The following MYO7B variants were observed in gnomAD, a reference collection of about 807,000 sequenced individuals.
MYO7B encodes unconventional myosin-VIIb.
Under a neutral mutation model 259.7 loss-of-function variants are expected in MYO7B, and 212 were observed. That is an observed-to-expected ratio of 0.82 (90% confidence interval 0.73 to 0.91). The LOEUF is 0.91. Among genes scored for constraint, MYO7B ranks in the 40% least tolerant of loss-of-function variants. MYO7B has a pLI of 0.00. For synonymous variants in MYO7B, 1,197 were observed against 1,166.4 expected (o/e 1.03, Z -0.54); for missense variants, 2,732 against 2,813.5 (o/e 0.97, Z 0.66).
rs952896987 is a variant in MYO7B at position 127,585,406 on chromosome 2, T to C, written c.1690+493T>C. On this transcript the variant is annotated intron_variant, in intron 14 of 47. Coordinates refer to ENST00000409816, the MANE Select transcript of MYO7B (RefSeq NM_001393586.1). The surrounding 1 kb of genome is among the most constrained non-coding windows in gnomAD (Gnocchi z 4.3). The stretch of plus-strand genomic sequence containing the variant: ...TTTTCAAGGTTCATCTATGTTGTAG[T>C]ACGTGTCAGTGCTCCATGTCTTTTT... Among the ~76,000 whole-genome samples the C allele has an allele frequency of 1.3e-5, 2 of 152,230 alleles. No homozygotes were observed. The highest frequency in any genetic ancestry group is 2.1e-4 in the South Asian group (1 of 4,832).
intron 19 of MYO7B, among the ~76,000 whole-genome samples, chr2:127,604,048 G>A (rs192216561): frequency 0.017 from 2,549 of 152,242 alleles, 77 homozygotes; most frequent in African/African-American, 0.058. Context: ...CAGGAGAATC[G>A]CTTGAACCTG....
In MYO7B at chr2:127,565,403, T is replaced by G. The variant is rs777008715; in HGVS notation, c.285+18T>G. The G allele has an allele frequency of 1.2e-6, 2 of 1,613,080 alleles. No homozygotes were observed. Among genetic ancestry groups the G allele is most frequent in the South Asian group, 2.2e-5 (2 of 91,020 alleles). Reference sequence around the variant, plus strand: ...AGATCTATGTGAGTCTCCCCAGCCCTGTGTCCACAGGGGAGCCCCTCACAG... The same window carrying G: ...AGATCTATGTGAGTCTCCCCAGCCCGGTGTCCACAGGGGAGCCCCTCACAG... On this transcript the variant is annotated intron_variant, in intron 4 of 47. Coordinates refer to ENST00000409816, the MANE Select transcript of MYO7B (RefSeq NM_001393586.1).
rs959014271 is a variant in MYO7B at position 127,597,214 on chromosome 2, G to A, written c.2339+658G>A. ...GCTGCTGATCTCAGGACAACAGGCC[G>A]CATCTGACCAAACAGGCCCACGTGG... On this transcript the variant is annotated intron_variant, in intron 19 of 47. Coordinates refer to ENST00000409816, the MANE Select transcript of MYO7B (RefSeq NM_001393586.1). This position sits in a 1 kb window ranked among gnomAD's most constrained non-coding sequence, Gnocchi z 4.8. 2.6e-5 allele frequency among the ~76,000 whole-genome samples: 4 copies of A among 152,250 alleles called. No individual in the cohort carries two copies. The highest frequency in any genetic ancestry group is 5.9e-5 in the Non-Finnish European group (4 of 68,044).
rs1387498364 is a variant in MYO7B, at chr2:127,631,375, C to T, written c.5095+12C>T. On this transcript the variant is annotated intron_variant, in intron 37 of 47. Transcript: ENST00000409816. ...CCAGATCTTTGTCGATATCCTTCCC[C>T]ACCAGCCTGCCTGCACCTCGTCAAT... 1 of 1,598,282 alleles carries T rather than the reference C, an allele frequency of 6.3e-7. No homozygotes were observed. The highest frequency in any genetic ancestry group is 8.6e-7 in the Non-Finnish European group (1 of 1,168,860).
chr2:127,636,110 C>A lies in MYO7B; in HGVS notation c.6007-98C>A. 1 of 1,153,122 alleles carries A rather than the reference C, an allele frequency of 8.7e-7. No homozygotes were observed. The highest frequency in any genetic ancestry group is 1.3e-6 in the Non-Finnish European group (1 of 795,572). The allele number at this position is 1,153,122 out of a possible 1,614,324, so 71.4% of individuals were successfully genotyped here. ...CATGCTGCATTCCTCCCCTCCCCTCCCCACCGTACTAGCCCTGGGGTAGGC... is the reference window on the plus strand; with the variant it reads ...CATGCTGCATTCCTCCCCTCCCCTCACCACCGTACTAGCCCTGGGGTAGGC... On this transcript the variant is annotated intron_variant, in intron 44 of 47. Coordinates refer to ENST00000409816, the MANE Select transcript of MYO7B (RefSeq NM_001393586.1). The surrounding 1 kb of genome is among the most constrained non-coding windows in gnomAD (Gnocchi z 4.5).
intron 26 of MYO7B, among the ~76,000 whole-genome samples, chr2:127,619,486 A>G (rs547518625): frequency 6.6e-6 from 1 of 152,142 alleles, no homozygotes; most frequent in Non-Finnish European, 1.5e-5. Flanking sequence ...GTTTGGGTGA[A>G]TGGCTGATGG....
chr2:127,625,205 G>A (rs959122091), intron 30 of MYO7B, among the ~76,000 whole-genome samples, 163 bp from the exon 31 acceptor site: 3 of 152,178 alleles, frequency 2.0e-5, no homozygotes, highest in African/African-American at 7.2e-5. Flanking sequence ...AGCCTGCATG[G>A]TGGCCCAGTC....
intron 19 of MYO7B, among the ~76,000 whole-genome samples, chr2:127,605,601 A>T (rs1420236736): frequency 6.6e-6 from 1 of 152,230 alleles, no homozygotes; most frequent in African/African-American, 2.4e-5. Flanking sequence ...CCATCTAAAA[A>T]AACAAAAAAC....
rs1031809052 is a variant in MYO7B at position 127,628,970 on chromosome 2, T to G, written c.4624+435T>G. ...CAGCTCAAGGGGGTGGGAGCCTAGTTCTTGGCCACAGCTCTCCCACAAGCC... is the reference window on the plus strand; with the variant it reads ...CAGCTCAAGGGGGTGGGAGCCTAGTGCTTGGCCACAGCTCTCCCACAAGCC... On this transcript the variant is annotated intron_variant, in intron 34 of 47. Transcript: ENST00000409816. The surrounding 1 kb of genome is among the most constrained non-coding windows in gnomAD (Gnocchi z 4.8). Among the ~76,000 whole-genome samples, 5 of 152,192 alleles carry G rather than the reference T, an allele frequency of 3.3e-5. No individual in the cohort carries two copies. Among genetic ancestry groups the G allele is most frequent in the Non-Finnish European group, 5.9e-5 (4 of 68,028 alleles).
Position 127,584,701 on chromosome 2 carries a change from T to G in MYO7B, c.1555-77T>G. The G allele has an allele frequency of 8.4e-6, 13 of 1,548,284 alleles. No individual in the cohort carries two copies. Among genetic ancestry groups the G allele is most frequent in the South Asian group, 1.2e-5 (1 of 84,320 alleles). ...CTGAGCCCAGATCTCTTTGCCTCCATGAGGAAGTCCCTGAGCCTCACCTCC... is the reference window on the plus strand; with the variant it reads ...CTGAGCCCAGATCTCTTTGCCTCCAGGAGGAAGTCCCTGAGCCTCACCTCC... On this transcript the variant is annotated intron_variant, in intron 13 of 47. Transcript: ENST00000409816. This position sits in a 1 kb window ranked among gnomAD's most constrained non-coding sequence, Gnocchi z 5.8.
In MYO7B at chr2:127,588,765, T is replaced by C. The variant is rs548914378; in HGVS notation, c.1854+210T>C. Among the ~76,000 whole-genome samples, 4 of 79,850 alleles carry C rather than the reference T, an allele frequency of 5.0e-5. No individual in the cohort carries two copies. In the Admixed American group the frequency reaches 6.5e-4, roughly 13 times the overall value. The allele number at this position is 79,850 out of a possible 152,430, so 52.4% of individuals were successfully genotyped here. ...GATGGGTAGTGGGTGGGTGGATGGG[T>C]GAGTGGATGGATGGGTGGTGGGTGG... On this transcript the variant is annotated intron_variant, in intron 15 of 47. Transcript: ENST00000409816.
At chr2:127,630,546 G>T (rs558000146) in intron 35 of MYO7B, among the ~76,000 whole-genome samples, 262 of 152,268 alleles carry the variant, frequency 1.7e-3, no homozygotes, top group African/African-American at 6.0e-3. Context: ...GGTGATGTGG[G>T]TGCCACAGCC....
intron 1 of MYO7B, among the ~76,000 whole-genome samples, chr2:127,543,126 C>A (rs1447715705): frequency 1.3e-5 from 2 of 152,152 alleles, no homozygotes; most frequent in African/African-American, 2.4e-5. Flanking sequence ...AGACCCTTTA[C>A]GGGTGTCGGG....
At position 127,593,578 on chromosome 2, in the gene MYO7B, C is replaced by A. The variant is rs373171375; in HGVS notation, c.2178C>A (p.Gly726=). Residue 726 remains glycine, a synonymous_variant, in exon 18 of 48, where the codon GGC becomes GGA. Coordinates refer to ENST00000409816, the MANE Select transcript of MYO7B (RefSeq NM_001393586.1). The stretch of plus-strand genomic sequence containing the variant: ...GCAAGCTCCGCCAGATGACCCTGGG[C>A]ATCACTGACGTGTGGCTGCGGACAG... ...LQGKLRQMTL[G]ITDVWLRTDK... The A allele has an allele frequency of 6.3e-4, 1,024 of 1,613,516 alleles. No homozygotes were observed. Among genetic ancestry groups the A allele is most frequent in the Non-Finnish European group, 8.5e-4 (1,000 of 1,179,782 alleles).
At chr2:127,551,340 T>A (rs1693436083) in intron 1 of MYO7B, among the ~76,000 whole-genome samples, 1 of 152,226 alleles carries the variant, frequency 6.6e-6, no homozygotes, top group South Asian at 2.1e-4. Context: ...CAACTGGGGC[T>A]GGAGGGTCCC....
At chr2:127,572,992 G>A (rs533314711) in intron 6 of MYO7B, among the ~76,000 whole-genome samples, 13 of 151,068 alleles carry the variant, frequency 8.6e-5, no homozygotes, top group Admixed American at 3.3e-4. Flanking sequence ...CCAACCAGTC[G>A]CCCCCATGAT....
rs148951221 is a variant in MYO7B, at chr2:127,633,373, T to A, written c.5511+10T>A. On this transcript the variant is annotated intron_variant, in intron 40 of 47. Coordinates refer to ENST00000409816, the MANE Select transcript of MYO7B (RefSeq NM_001393586.1). ...CAATGACACCAGTGAGGTGAGGCCC[T>A]GCTCTGGTCTGCACGGCAAGTCTCA... The A allele has an allele frequency of 1.9e-6, 3 of 1,610,604 alleles. No homozygotes were observed. Among genetic ancestry groups the A allele is most frequent in the Non-Finnish European group, 2.5e-6 (3 of 1,178,108 alleles).
chr2:127,567,574 A>G (rs1678410030), intron 5 of MYO7B, among the ~76,000 whole-genome samples: 1 of 152,190 alleles, frequency 6.6e-6, no homozygotes. Flanking sequence ...TGTTCCAGGA[A>G]CACTGGATCC....
chr2:127,551,527 GC>G (rs746672680), intron 1 of MYO7B, among the ~76,000 whole-genome samples: 69 of 152,298 alleles, frequency 4.5e-4, no homozygotes, highest in Non-Finnish European at 9.4e-4. Flanking sequence ...ATTCTATTTG[GC>G]AAAAGCAAAT....
Sources: allele counts gnomAD v4.1 joint callset (sites outside exome capture counted in the v4.1 genomes callset), GRCh38; gene constraint gnomAD v4.1.1; non-coding constraint Gnocchi (gnomAD v3.1); transcripts MANE v1.5; gene names NCBI Gene and HGNC (gene_info 2026-07-23, HGNC 2026-07-21).